The following PDE1C variants were observed in gnomAD, a reference collection of about 807,000 sequenced individuals.
PDE1C encodes dual specificity calcium/calmodulin-dependent 3',5'-cyclic nucleotide phosphodiesterase 1C.
A neutral mutation model predicts 93.1 loss-of-function variants in PDE1C; 62 were observed. That is an observed-to-expected ratio of 0.67 (90% confidence interval 0.54 to 0.82). The LOEUF is 0.82. PDE1C is among the 40% of genes least tolerant of loss of function. The pLI is 0.00. For missense variants in PDE1C, 742 were observed against 884.6 expected, an observed-to-expected ratio of 0.84 and a Z score of 2.04; for synonymous variants, 325 against 310.1, an observed-to-expected ratio of 1.05 and a Z score of -0.50.
intron 6 of PDE1C, among the ~76,000 whole-genome samples, chr7:31,870,706 C>G (rs1795840820): frequency 6.6e-6 from 1 of 151,954 alleles, no homozygotes; most frequent in Non-Finnish European, 1.5e-5. Flanking sequence ...TCTCCTCAAA[C>G]TATTCCAAAA....
chr7:31,942,262 C>T (rs1292400471), intron 2 of PDE1C, among the ~76,000 whole-genome samples: 5 of 152,036 alleles, frequency 3.3e-5, no homozygotes, highest in Non-Finnish European at 7.4e-5. Flanking sequence ...TGTTTTGTGT[C>T]CATCTGAATC....
chr7:32,234,763 A>G (rs1211741199), intron 1 of PDE1C, among the ~76,000 whole-genome samples: 2 of 152,060 alleles, frequency 1.3e-5, no homozygotes, highest in African/African-American at 4.8e-5. Flanking sequence ...TCTCCAACTC[A>G]TTTTATAGGT....
the PDE1C span, among the ~76,000 whole-genome samples, chr7:31,714,659 G>A: frequency 6.6e-6 from 1 of 152,224 alleles, no homozygotes; most frequent in African/African-American, 2.4e-5. Context: ...GGCAATCATG[G>A]CAGAAGGCAA....
the PDE1C span, among the ~76,000 whole-genome samples, chr7:31,630,996 A>G: frequency 3.3e-5 from 5 of 152,200 alleles, no homozygotes; most frequent in African/African-American, 1.2e-4. Context: ...TCAGTTGGTG[A>G]CATTAGAAAA....
At chr7:31,866,734 C>T (rs1280767498) in intron 6 of PDE1C, among the ~76,000 whole-genome samples, 5 of 152,010 alleles carry the variant, frequency 3.3e-5, no homozygotes, top group Non-Finnish European at 7.4e-5. Flanking sequence ...ACACCTAAAG[C>T]AAGGAAGGAG....
intron 2 of PDE1C, among the ~76,000 whole-genome samples, chr7:32,022,525 G>T (rs1788825329): frequency 6.6e-6 from 1 of 152,150 alleles, no homozygotes; most frequent in South Asian, 2.1e-4. Flanking sequence ...GATGGGGAAT[G>T]AAGTGGTTTA....
intron 3 of PDE1C, among the ~76,000 whole-genome samples, chr7:32,117,512 T>C (rs544698807): frequency 6.6e-6 from 1 of 152,316 alleles, no homozygotes; most frequent in South Asian, 2.1e-4. Flanking sequence ...CTGACTACAG[T>C]ATAGAACCCT....
intron 1 of PDE1C, among the ~76,000 whole-genome samples, chr7:32,408,823 T>C (rs1233416312): frequency 1.3e-5 from 2 of 151,938 alleles, no homozygotes; most frequent in African/African-American, 4.8e-5. Flanking sequence ...AAAAGAGGCA[T>C]AAAAGACTAC....
intron 17 of PDE1C, among the ~76,000 whole-genome samples, chr7:31,767,876 T>C (rs1795241316): frequency 6.6e-6 from 1 of 152,178 alleles, no homozygotes. Flanking sequence ...CATAAGGTCG[T>C]TAATCCCATT....
chr7:32,283,253 G>T (rs1435899113), intron 1 of PDE1C, among the ~76,000 whole-genome samples: 1 of 152,148 alleles, frequency 6.6e-6, no homozygotes, highest in African/African-American at 2.4e-5. Flanking sequence ...ATTATACATT[G>T]TTAGATGGGA....
chr7:31,761,605 G>A (rs747043754), intron 17 of PDE1C, among the ~76,000 whole-genome samples: 32 of 152,154 alleles, frequency 2.1e-4, no homozygotes, highest in Non-Finnish European at 4.4e-4. Context: ...TAACTTGGTG[G>A]TTCTCAATCC....
chr7:32,066,943 T>G (rs1157970297), intron 1 of PDE1C, among the ~76,000 whole-genome samples: 1 of 152,170 alleles, frequency 6.6e-6, no homozygotes, highest in African/African-American at 2.4e-5. Flanking sequence ...TGTTTTCTTC[T>G]CACTTAGAGA....
At chr7:31,931,694 C>T (rs1212177197) in intron 2 of PDE1C, among the ~76,000 whole-genome samples, 2 of 152,140 alleles carry the variant, frequency 1.3e-5, no homozygotes, top group African/African-American at 4.8e-5. Context: ...ATGCTATTCC[C>T]ATTAAGCTAA....
At chr7:32,260,458 T>C (rs1450631035) in intron 1 of PDE1C, among the ~76,000 whole-genome samples, 6 of 152,214 alleles carry the variant, frequency 3.9e-5, no homozygotes, top group Non-Finnish European at 7.3e-5. Context: ...CCGTGAAACA[T>C]GGCCCTCAAA....
chr7:31,692,568 A>G, the PDE1C span: 1 of 1,531,560 alleles, frequency 6.5e-7, no homozygotes, highest in Non-Finnish European at 9.0e-7. Flanking sequence ...GAAGTCAGAG[A>G]AGAGGCGTCT....
At chr7:32,148,280 A>G (rs1801030650) in intron 3 of PDE1C, among the ~76,000 whole-genome samples, 1 of 152,176 alleles carries the variant, frequency 6.6e-6, no homozygotes, top group African/African-American at 2.4e-5. Flanking sequence ...AAAATAAATC[A>G]GTGAATTCAT....
At chr7:31,687,099 T>C in the PDE1C span, 2 of 152,242 alleles carry the variant, frequency 1.3e-5, no homozygotes, top group African/African-American at 4.8e-5. Context: ...GCGATGGAGA[T>C]GTTAGTCCTC....
chr7:31,904,159 G>A (rs2128925164), intron 2 of PDE1C, among the ~76,000 whole-genome samples: 1 of 152,214 alleles, frequency 6.6e-6, no homozygotes, highest in East Asian at 1.9e-4. Context: ...GCTATATGCA[G>A]CCTTTCGGAA....
chr7:31,741,649 A>G, the PDE1C span, among the ~76,000 whole-genome samples: 2 of 152,162 alleles, frequency 1.3e-5, no homozygotes, highest in African/African-American at 4.8e-5. Context: ...ATTCCAGCCT[A>G]TATTTTACCT....
Sources: gnomAD v4.1 joint callset for allele counts (sites outside exome capture counted in the v4.1 genomes callset) on GRCh38, gnomAD v4.1.1 for gene constraint, MANE v1.5 for transcripts, NCBI Gene and HGNC (gene_info 2026-07-23, HGNC 2026-07-21) for gene names.